HAPLN1: variants seen among roughly 807,000 people sequenced by gnomAD.
The protein encoded by HAPLN1 is Cartilage link protein.
Under a neutral mutation model 36.5 loss-of-function variants are expected in HAPLN1, and 13 were observed. The ratio of observed to expected loss-of-function variants is 0.36; its 90% CI spans 0.23 to 0.57. The LOEUF (loss-of-function observed/expected upper bound fraction) is 0.57, where lower values mean the gene tolerates loss of function less well. Among genes scored for constraint, HAPLN1 ranks in the 20% least tolerant of loss-of-function variants. The probability of loss-of-function intolerance (pLI) is 0.83; values close to 1 mark genes in which losing one functional copy is unlikely to be tolerated. For synonymous variants in HAPLN1, 202 were observed against 169.8 expected (o/e 1.19, Z -1.48); for missense variants, 407 against 439.7 (o/e 0.93, Z 0.66).
rs372409056 is a variant in HAPLN1, at chr5:83,651,592, C to A, written c.472+861G>T. Among the ~76,000 whole-genome samples, 10 of 21,564 alleles carry A rather than the reference C, an allele frequency of 4.6e-4. No homozygotes were observed. In the African/African-American group the frequency reaches 6.9e-3, roughly 15 times the overall value. 14.1% of individuals were successfully genotyped at this position (21,564 alleles called of 152,430 possible). ...GGATTCAAAAGGTCAAATAGTGACACAAATCTGTCCTCAGGGGTAAAAGGA... is the reference window on the plus strand; with the variant it reads ...GGATTCAAAAGGTCAAATAGTGACAAAAATCTGTCCTCAGGGGTAAAAGGA... On this transcript the variant is annotated intron_variant, in intron 3 of 4. Transcript: ENST00000274341.
intron 1 of HAPLN1, chr5:83,674,254 T>C (rs1750803163): frequency 6.6e-6 from 1 of 152,214 alleles, no homozygotes; most frequent in South Asian, 2.1e-4. Context: ...CAACCTAAAA[T>C]GCTGACGCAC....
rs779738630 is a variant in HAPLN1, at chr5:83,641,553, A to G, written c.1008T>C (p.Gly336=). 6.2e-7 allele frequency: 1 copy of G among 1,613,872 alleles called. No individual in the cohort carries two copies. Among genetic ancestry groups the G allele is most frequent in the South Asian group, 1.1e-5 (1 of 91,078 alleles). ...SPTEAAVRFV[G]FPDKKHKLYG... ...ACAGCTTATGCTTTTTATCTGGGAA[A>G]CCCACGAAGCGCACTGCAGCCTCAG... The change falls in exon 5 of 5, where the codon GGT becomes GGC. Residue 336 remains glycine (G), a synonymous_variant. Transcript: ENST00000274341.
chr5:83,649,739 ATGCCCGGC>A (rs1749999186), intron 3 of HAPLN1, among the ~76,000 whole-genome samples: 1 of 152,192 alleles, frequency 6.6e-6, no homozygotes, highest in Admixed American at 6.5e-5. Context: ...GTGAACCACC[ATGCCCGGC>A]CGTGTCTCTT....
chr5:83,661,512 T>G (rs1395593234), intron 2 of HAPLN1, among the ~76,000 whole-genome samples: 1 of 136,508 alleles, frequency 7.3e-6, no homozygotes, highest in Non-Finnish European at 1.5e-5. Flanking sequence ...TGGCGCGATC[T>G]CAGCTCACTG....
At chr5:83,669,200 A>G (rs906036661) in intron 2 of HAPLN1, among the ~76,000 whole-genome samples, 1 of 152,186 alleles carries the variant, frequency 6.6e-6, no homozygotes, top group African/African-American at 2.4e-5. Context: ...ATGGTCAGAT[A>G]ATATTTAATG....
chr5:83,707,067 G>A (rs565453979), intron 1 of HAPLN1, among the ~76,000 whole-genome samples: 1 of 152,214 alleles, frequency 6.6e-6, no homozygotes, highest in African/African-American at 2.4e-5. Context: ...ACTGCTCAAC[G>A]AAATCAGAGA....
At chr5:83,688,429 G>A (rs1466926799) in intron 1 of HAPLN1, among the ~76,000 whole-genome samples, 1 of 152,080 alleles carries the variant, frequency 6.6e-6, no homozygotes, top group East Asian at 1.9e-4. Context: ...CAATAGATCT[G>A]GCATGAGCTG....
intron 1 of HAPLN1, among the ~76,000 whole-genome samples, chr5:83,678,220 GGTGTGTGTGT>G (rs56962854): frequency 7.0e-6 from 1 of 142,536 alleles, no homozygotes; most frequent in South Asian, 2.4e-4. Flanking sequence ...CTATAGTTTG[GGTGTGTGTGT>G]GTGTGTGTGT....
At chr5:83,654,597 G>T (rs375630185) in intron 2 of HAPLN1, among the ~76,000 whole-genome samples, 31 of 152,298 alleles carry the variant, frequency 2.0e-4, no homozygotes, top group African/African-American at 6.3e-4. Flanking sequence ...AGTATCTTGT[G>T]GGGGGCAAGG....
At chr5:83,664,301 C>G (rs1225997258) in intron 2 of HAPLN1, among the ~76,000 whole-genome samples, 1 of 152,174 alleles carries the variant, frequency 6.6e-6, no homozygotes, top group Non-Finnish European at 1.5e-5. Flanking sequence ...AGGGCACCTC[C>G]CAAACTCGTC....
rs941137193 is a variant in HAPLN1, at chr5:83,639,308, G to C, written c.*2188C>G. ...TTTTTTACACGAATGGAAAAATGAT[G>C]TGTAAGTGGTATAGATTTTAATCAG... is the stretch of plus-strand genomic sequence containing the variant. On this transcript the variant is annotated 3_prime_UTR_variant, in exon 5 of 5. Transcript: ENST00000274341. 6.6e-6 allele frequency: 1 copy of C among 152,028 alleles called. No individual in the cohort carries two copies. Among genetic ancestry groups the C allele is most frequent in the African/African-American group, 2.4e-5 (1 of 41,436 alleles). 9.4% of individuals were successfully genotyped at this position (152,028 alleles called of 1,614,324 possible). A position where few individuals can be genotyped will look rare whatever the true frequency, so the allele number is the denominator to read the frequency against.
At chr5:83,687,620 G>A (rs577117322) in intron 1 of HAPLN1, among the ~76,000 whole-genome samples, 1 of 152,324 alleles carries the variant, frequency 6.6e-6, no homozygotes, top group East Asian at 1.9e-4. Flanking sequence ...AAATGCAACT[G>A]ACTTGACGAG....
chr5:83,673,870 C>A, intron 1 of HAPLN1: 1 of 219,850 alleles, frequency 4.5e-6, no homozygotes, highest in Non-Finnish European at 8.8e-6. Flanking sequence ...CATACACACT[C>A]TTAAAAAAAT....
At chr5:83,658,765 G>T (rs893545116) in intron 2 of HAPLN1, among the ~76,000 whole-genome samples, 1 of 152,034 alleles carries the variant, frequency 6.6e-6, no homozygotes, top group Non-Finnish European at 1.5e-5. Flanking sequence ...CTTTCCAGGT[G>T]CCCACCCCCA....
chr5:83,716,691 C>G (rs1283794874), intron 1 of HAPLN1, among the ~76,000 whole-genome samples: 1 of 152,130 alleles, frequency 6.6e-6, no homozygotes, highest in Non-Finnish European at 1.5e-5. Flanking sequence ...TGTCTAGTAT[C>G]CTTAAGTCAT....
chr5:83,660,367 T>C (rs575924259), intron 2 of HAPLN1, among the ~76,000 whole-genome samples: 2 of 152,292 alleles, frequency 1.3e-5, no homozygotes, highest in Non-Finnish European at 2.9e-5. Flanking sequence ...GGTTTATCTA[T>C]GGCAATGTTT....
At chr5:83,644,898 T>A (rs1749811338) in intron 3 of HAPLN1, among the ~76,000 whole-genome samples, 1 of 152,192 alleles carries the variant, frequency 6.6e-6, no homozygotes, top group African/African-American at 2.4e-5. Flanking sequence ...CTGCTTTAGC[T>A]AAGAGTTCAA....
intron 3 of HAPLN1, 124 bp downstream of exon 3, chr5:83,652,329 T>G (rs1750088785): frequency 4.4e-6 from 4 of 911,546 alleles, no homozygotes; most frequent in Non-Finnish European, 6.6e-6. Context: ...AAGAATAAGA[T>G]GCCAGGCAAG....
intron 2 of HAPLN1, among the ~76,000 whole-genome samples, chr5:83,660,007 C>T (rs1750337585): frequency 1.3e-5 from 2 of 152,004 alleles, no homozygotes; most frequent in Admixed American, 1.3e-4. Flanking sequence ...CCCAACCCTG[C>T]CAGGGGCTAC....
Sources: allele counts gnomAD v4.1 joint callset (sites outside exome capture counted in the v4.1 genomes callset), GRCh38; gene constraint gnomAD v4.1.1; transcripts MANE v1.5; gene names NCBI Gene and HGNC (gene_info 2026-07-23, HGNC 2026-07-21).